MTCL2: variants seen among roughly 807,000 people sequenced by gnomAD.
MTCL2 encodes microtubule cross-linking factor 2.
the MTCL2 span, among the ~76,000 whole-genome samples, chr20:36,795,275 G>A: frequency 6.6e-6 from 1 of 151,918 alleles, no homozygotes; most frequent in South Asian, 2.1e-4. Context: ...TTTTTGTAGA[G>A]ATGGGGATCT....
At chr20:36,804,216 G>A in the MTCL2 span, among the ~76,000 whole-genome samples, 1 of 152,162 alleles carries the variant, frequency 6.6e-6, no homozygotes, top group Non-Finnish European at 1.5e-5. Flanking sequence ...CCAAGCTGCA[G>A]GGTCAGAGCA....
the MTCL2 span, among the ~76,000 whole-genome samples, chr20:36,838,356 A>C: frequency 6.6e-6 from 1 of 152,178 alleles, no homozygotes; most frequent in Non-Finnish European, 1.5e-5. Context: ...GCACTTTGGG[A>C]GGCCAAGGCA....
the MTCL2 span, among the ~76,000 whole-genome samples, chr20:36,852,749 G>A: frequency 1.3e-5 from 2 of 152,108 alleles, no homozygotes; most frequent in African/African-American, 2.4e-5. Flanking sequence ...CCAGTTTTCA[G>A]GAAGTTGCAT....
the MTCL2 span, among the ~76,000 whole-genome samples, chr20:36,837,449 G>A: frequency 3.9e-5 from 6 of 151,994 alleles, no homozygotes; most frequent in South Asian, 6.2e-4. Context: ...CTTGACCTTC[G>A]GCAGGTATTG....
chr20:36,809,948 A>G, the MTCL2 span: 1 of 1,582,226 alleles, frequency 6.3e-7, no homozygotes. Context: ...AGGCTGTAGG[A>G]ATAGCTGCCT....
the MTCL2 span, among the ~76,000 whole-genome samples, chr20:36,849,234 G>A: frequency 6.6e-6 from 1 of 151,338 alleles, no homozygotes; most frequent in African/African-American, 2.4e-5. Context: ...GCTAATTTTT[G>A]TATTTTTAGT....
chr20:36,784,938 G>A, the MTCL2 span: 1 of 985,224 alleles, frequency 1.0e-6, no homozygotes. Context: ...AAACTTGGAG[G>A]GATCTCCACA....
chr20:36,794,639 A>G, the MTCL2 span: 12 of 1,613,620 alleles, frequency 7.4e-6, no homozygotes, highest in African/African-American at 1.3e-5. The surrounding 1 kb of genome is among the most constrained non-coding windows in gnomAD (Gnocchi z 5.4). Flanking sequence ...ATTAGTGGAA[A>G]TAACACTGAG....
At chr20:36,808,355 G>GAA in the MTCL2 span, among the ~76,000 whole-genome samples, 19 of 119,760 alleles carry the variant, frequency 1.6e-4, 1 homozygote, top group African/African-American at 9.3e-5. Context: ...CTCCATCTCG[G>GAA]AAAAAAAAAA....
At chr20:36,815,222 C>T in the MTCL2 span, 1 of 1,614,024 alleles carries the variant, frequency 6.2e-7, no homozygotes, top group Non-Finnish European at 8.5e-7. The surrounding 1 kb of genome is among the most constrained non-coding windows in gnomAD (Gnocchi z 5.3). Flanking sequence ...CCTGCTGTTC[C>T]TTGACAGAGC....
chr20:36,812,669 T>C, the MTCL2 span: 4 of 1,608,052 alleles, frequency 2.5e-6, no homozygotes, highest in East Asian at 4.5e-5. Flanking sequence ...ACTCTCCTCC[T>C]ACCCAATCCC....
At chr20:36,852,122 CAG>C in the MTCL2 span, among the ~76,000 whole-genome samples, 8 of 152,198 alleles carry the variant, frequency 5.3e-5, no homozygotes, top group Non-Finnish European at 7.3e-5. Context: ...AGAAGAATGA[CAG>C]AGCTGAGCTG....
the MTCL2 span, chr20:36,809,976 A>G: frequency 6.3e-7 from 1 of 1,598,136 alleles, no homozygotes; most frequent in South Asian, 1.1e-5. Flanking sequence ...GCTGGGCACC[A>G]CGCACCTGGA....
the MTCL2 span, chr20:36,804,670 A>C: frequency 6.3e-7 from 1 of 1,585,760 alleles, no homozygotes; most frequent in Non-Finnish European, 8.6e-7. Flanking sequence ...TTCTACTCCC[A>C]GATCTGACAG....
chr20:36,834,823 G>A, the MTCL2 span, among the ~76,000 whole-genome samples: 8 of 152,114 alleles, frequency 5.3e-5, no homozygotes, highest in East Asian at 5.8e-4. Context: ...CCAACACAGA[G>A]AAACCCCATC....
At chr20:36,835,534 C>G in the MTCL2 span, among the ~76,000 whole-genome samples, 3 of 152,144 alleles carry the variant, frequency 2.0e-5, no homozygotes, top group Non-Finnish European at 4.4e-5. Flanking sequence ...AGGTACCCTC[C>G]TAGGCAGCGC....
At chr20:36,863,522 C>G in the MTCL2 span, 15 of 325,598 alleles carry the variant, frequency 4.6e-5, no homozygotes, top group African/African-American at 3.4e-4. The surrounding 1 kb of genome is among the most constrained non-coding windows in gnomAD (Gnocchi z 6.2). Flanking sequence ...CTCCGCTGCT[C>G]TGGGCTCGGA....
At chr20:36,850,844 T>C in the MTCL2 span, among the ~76,000 whole-genome samples, 4 of 152,342 alleles carry the variant, frequency 2.6e-5, no homozygotes, top group South Asian at 8.3e-4. Context: ...AATGATAAAC[T>C]GTGGTACGTC....
chr20:36,794,002 T>G, the MTCL2 span: 1 of 1,551,614 alleles, frequency 6.4e-7, no homozygotes, highest in Non-Finnish European at 8.7e-7. The surrounding 1 kb of genome is among the most constrained non-coding windows in gnomAD (Gnocchi z 5.4). Flanking sequence ...TCCTCTCCAG[T>G]GAGCCGGAGC....
Sources: allele counts gnomAD v4.1 joint callset (sites outside exome capture counted in the v4.1 genomes callset), GRCh38; gene constraint gnomAD v4.1.1; non-coding constraint Gnocchi (gnomAD v3.1); transcripts MANE v1.5; gene names NCBI Gene and HGNC (gene_info 2026-07-23, HGNC 2026-07-21).